The following SNAI1 variants were observed in gnomAD, a reference collection of about 807,000 sequenced individuals.
The protein encoded by SNAI1 is zinc finger protein SNAI1.
In SNAI1, 15 loss-of-function variants were observed where a neutral mutation model predicts 24.7. The ratio of observed to expected loss-of-function variants is 0.61; its 90% CI spans 0.41 to 0.93. The LOEUF (loss-of-function observed/expected upper bound fraction) is 0.93. SNAI1 is among the 40% of genes least tolerant of loss of function. The pLI, the probability that SNAI1 is intolerant of heterozygous loss-of-function variation, is 0.00. For synonymous variants in SNAI1, 163 were observed against 142.9 expected (o/e 1.14, Z -1.00); for missense variants, 283 against 336.7 (o/e 0.84, Z 1.25).
chr20:49,988,828 T>A lies in SNAI1; in HGVS notation c.*772T>A, dbSNP rs977859514. The A allele has an allele frequency of 6.6e-6, 1 of 152,638 alleles. No homozygotes were observed. Among genetic ancestry groups the A allele is most frequent in the African/African-American group, 2.4e-5 (1 of 41,450 alleles). 9.5% of individuals were successfully genotyped at this position (152,638 alleles called of 1,614,324 possible). ...CATTTTGTATCAAGGAAACGTTTTG[T>A]ATAGTTATATGTACAGTTTATTGAT... On this transcript the variant is annotated 3_prime_UTR_variant, in exon 3 of 3. Coordinates refer to ENST00000244050, the MANE Select transcript of SNAI1 (RefSeq NM_005985.4).
intron 2 of SNAI1, 101 bp downstream of exon 2, chr20:49,984,452 CGAGTCTTCT>C: frequency 8.3e-7 from 1 of 1,197,678 alleles, no homozygotes; most frequent in Non-Finnish European, 1.1e-6. Context: ...ACTGAGGCCC[CGAGTCTTCT>C]AACTTCTAGC....
chr20:49,984,385 C>T (rs2078327566), intron 2 of SNAI1, 34 bp downstream of exon 2: 9 of 1,536,254 alleles, frequency 5.9e-6, no homozygotes, highest in Non-Finnish European at 7.0e-6. Flanking sequence ...CACCGTTGCT[C>T]TCTCTGGCAG....
chr20:49,987,505 CAGT>C (rs1170091765), intron 2 of SNAI1, among the ~76,000 whole-genome samples: 1 of 152,150 alleles, frequency 6.6e-6, no homozygotes, highest in Non-Finnish European at 1.5e-5. Flanking sequence ...GATCAAGTGA[CAGT>C]AGGATGAATC....
chr20:49,987,703 G>A (rs2078338297), intron 2 of SNAI1, among the ~76,000 whole-genome samples, 169 bp from the exon 3 acceptor site: 1 of 152,164 alleles, frequency 6.6e-6, no homozygotes, highest in Non-Finnish European at 1.5e-5. Flanking sequence ...GGAAGCAGCA[G>A]AGCTCCGTCA....
At position 49,985,078 on chromosome 20, in the gene SNAI1, G is replaced by A. The variant is rs771874516; in HGVS notation, c.610+727G>A. On this transcript the variant is annotated intron_variant, in intron 2 of 2. Transcript: ENST00000244050. The stretch of plus-strand genomic sequence containing the variant: ...ATTATACCCGAACGGTTCTCAGGTC[G>A]GCTTCCCCACCCCCACTGAATCCTA... 6.2e-4 allele frequency among the ~76,000 whole-genome samples: 94 copies of A among 152,112 alleles called. 1 individual carries two copies. The highest frequency in any genetic ancestry group is 1.1e-3 in the Non-Finnish European group (74 of 68,022).
Position 49,984,344 on chromosome 20 carries a change from C to G in SNAI1, c.603C>G (p.Thr201=), listed in dbSNP as rs574652446. The change falls in exon 2 of 3, where the codon ACC becomes ACG. Residue 201 remains threonine, a synonymous_variant. Transcript: ENST00000244050. ...RPWLLQGHVR[T]HTGEKPFSCP... is the part of the protein sequence containing the mutation. ...GGCTGCTACAAGGCCATGTCCGGAC[C>G]CACACTGGTACGTGCCCCTCCAGGC... 17 of 1,601,402 alleles carry G rather than the reference C, an allele frequency of 1.1e-5. 1 individual carries two copies. In the Admixed American group the frequency reaches 2.9e-4, roughly 28 times the overall value.
At chr20:49,985,144 C>T (rs1031476270) in intron 2 of SNAI1, among the ~76,000 whole-genome samples, 2 of 152,182 alleles carry the variant, frequency 1.3e-5, no homozygotes, top group Non-Finnish European at 2.9e-5. Context: ...GCAGAAAACA[C>T]AATCACGTCT....
In SNAI1 at chr20:49,987,969, C is replaced by T. The variant is rs2078339328; in HGVS notation, c.708C>T (p.Tyr236=). 1 of 1,614,084 alleles carries T rather than the reference C, an allele frequency of 6.2e-7. No homozygotes were observed. The highest frequency in any genetic ancestry group is 1.7e-4 in the Middle Eastern group (1 of 6,060). The part of the protein sequence containing the change: ...HLQTHSDVKK[Y]QCQACARTFS... ...AGACCCACTCAGATGTCAAGAAGTA[C>T]CAGTGCCAGGCGTGTGCTCGGACCT... The change falls in exon 3 of 3, where the codon TAC becomes TAT. Residue 236 remains tyrosine (Y), a synonymous_variant. Transcript: ENST00000244050.
At chr20:49,983,165 C>T in intron 1 of SNAI1, 24 bp downstream of exon 1, 2 of 1,593,666 alleles carry the variant, frequency 1.3e-6, no homozygotes, top group Non-Finnish European at 1.7e-6. Flanking sequence ...GTTCTGGGCT[C>T]CAGGAGGTTT....
chr20:49,988,169 C>T lies in SNAI1; in HGVS notation c.*113C>T. ...CTGCCATGGAATTCCCTCCTGAGTG[C>T]CCCACTTCTGGCCACATCAGCCCCA... On this transcript the variant is annotated 3_prime_UTR_variant, in exon 3 of 3. Transcript: ENST00000244050. 2.1e-6 allele frequency: 2 copies of T among 953,770 alleles called. No individual in the cohort carries two copies. The highest frequency in any genetic ancestry group is 1.7e-5 in the South Asian group (1 of 59,090). The allele number at this position is 953,770 out of a possible 1,614,324, so 59.1% of individuals were successfully genotyped here.
At position 49,984,272 on chromosome 20, in the gene SNAI1, G is replaced by A. The variant is rs1063210; in HGVS notation, c.531G>A (p.Thr177=). The A allele has an allele frequency of 0.15, 249,127 of 1,613,658 alleles. 30,200 individuals are homozygous for A. The highest frequency in any genetic ancestry group is 0.65 in the African/African-American group (48,419 of 74,948). Residue 177 remains threonine (T), a synonymous_variant, in exon 2 of 3, where the codon ACG becomes ACA. Coordinates refer to ENST00000244050, the MANE Select transcript of SNAI1 (RefSeq NM_005985.4). The stretch of plus-strand genomic sequence containing the variant: ...TCAAGATGCACATCCGAAGCCACAC[G>A]CTGCCCTGCGTCTGCGGAACCTGCG... ...GALKMHIRSH[T]LPCVCGTCGK...
chr20:49,986,217 G>T (rs917174641), intron 2 of SNAI1, among the ~76,000 whole-genome samples: 20 of 152,334 alleles, frequency 1.3e-4, no homozygotes, highest in African/African-American at 4.8e-4. Context: ...CCCTTCAGGC[G>T]TGGCGTGTGG....
Position 49,988,043 on chromosome 20 carries a change from G to C in SNAI1, c.782G>C (p.Gly261Ala). 6.2e-7 allele frequency: 1 copy of C among 1,601,694 alleles called. No individual in the cohort carries two copies. The highest frequency in any genetic ancestry group is 8.5e-7 in the Non-Finnish European group (1 of 1,172,308). The change falls in exon 3 of 3, where the codon GGA (glycine) becomes GCA (alanine). Residue 261 changes from glycine (G) to alanine (A), a missense_variant. Coordinates refer to ENST00000244050, the MANE Select transcript of SNAI1 (RefSeq NM_005985.4). Reference sequence around the variant, plus strand: ...AAGCACCAAGAGTCCGGCTGCTCAGGATGTCCCCGCTGACCCTCGAGGCTC... The same window carrying C: ...AAGCACCAAGAGTCCGGCTGCTCAGCATGTCCCCGCTGACCCTCGAGGCTC... ...LHKHQESGCSGCPR is the reference protein window; with the variant it reads ...LHKHQESGCSACPR
chr20:49,987,536 A>C (rs922573350), intron 2 of SNAI1, among the ~76,000 whole-genome samples: 10 of 152,156 alleles, frequency 6.6e-5, no homozygotes, highest in Non-Finnish European at 1.5e-4. Context: ...GTGTTGAGTC[A>C]TTGTTGACCA....
chr20:49,983,002 C>T lies in SNAI1; in HGVS notation c.-58C>T, dbSNP rs1315310561. 9 of 1,273,094 alleles carry T rather than the reference C, an allele frequency of 7.1e-6. No individual in the cohort carries two copies. Among genetic ancestry groups the T allele is most frequent in the South Asian group, 1.2e-5 (1 of 82,750 alleles). The allele number at this position is 1,273,094 out of a possible 1,614,324, so 78.9% of individuals were successfully genotyped here. A position where few individuals can be genotyped will look rare whatever the true frequency, so the allele number is the denominator to read the frequency against. On this transcript the variant is annotated 5_prime_UTR_variant, in exon 1 of 3. Coordinates refer to ENST00000244050, the MANE Select transcript of SNAI1 (RefSeq NM_005985.4). ...TTCATTGCGCCGCGGCACGGCCTAG[C>T]GAGTGGTTCTTCTGCGCTACTGCTG... is the stretch of plus-strand genomic sequence containing the variant.
At chr20:49,986,811 G>T (rs2078335370) in intron 2 of SNAI1, among the ~76,000 whole-genome samples, 1 of 152,072 alleles carries the variant, frequency 6.6e-6, no homozygotes, top group Non-Finnish European at 1.5e-5. Flanking sequence ...CCTTTTATTT[G>T]GAAAATGCTG....
chr20:49,984,577 C>T (rs2078328085), intron 2 of SNAI1, among the ~76,000 whole-genome samples: 1 of 152,234 alleles, frequency 6.6e-6, no homozygotes, highest in Non-Finnish European at 1.5e-5. Context: ...CAGCCTGTTT[C>T]TCAGCCAAAT....
At position 49,988,135 on chromosome 20, in the gene SNAI1, TC is replaced by T; in HGVS notation, c.*81del. The T allele has an allele frequency of 7.9e-7, 1 of 1,271,618 alleles. No individual in the cohort carries two copies. The highest frequency in any genetic ancestry group is 1.1e-6 in the Non-Finnish European group (1 of 915,094). 78.8% of individuals were successfully genotyped at this position (1,271,618 alleles called of 1,614,324 possible). On this transcript the variant is annotated 3_prime_UTR_variant, in exon 3 of 3. Transcript: ENST00000244050. ...CAGCTCCAGCAGGAAGGACCCCACA[TC>T]CTTCTCACTGCCATGGAATTCCCTC... is the stretch of plus-strand genomic sequence containing the variant.
At position 49,983,971 on chromosome 20, in the gene SNAI1, T is replaced by G. The variant is rs780107207; in HGVS notation, c.230T>G (p.Leu77Arg). ...GCCCAGCCAATTGCCTGGGCCTCCC[T>G]TCGGCTCCAGGAGAGTCCCAGGGTG... ...PQAQPIAWAS[L>R]RLQESPRVAE... The change falls in exon 2 of 3, where the codon CTT becomes CGT. Residue 77 changes from leucine to arginine, a missense_variant. Transcript: ENST00000244050. 119 of 1,613,596 alleles carry G rather than the reference T, an allele frequency of 7.4e-5. No individual in the cohort carries two copies. The highest frequency in any genetic ancestry group is 1.0e-4 in the Non-Finnish European group (118 of 1,180,000).
Sources: allele counts gnomAD v4.1 joint callset (sites outside exome capture counted in the v4.1 genomes callset), GRCh38; gene constraint gnomAD v4.1.1; transcripts MANE v1.5; gene names NCBI Gene and HGNC (gene_info 2026-07-23, HGNC 2026-07-21).